Variants in ZNG1A observed in about 807,000 individuals in gnomAD.
ZNG1A encodes the protein zinc-regulated GTPase metalloprotein activator 1A.
At chr9:146,324 T>C in the ZNG1A span, 113,353 of 614,000 alleles carry the variant, frequency 0.18, 12,823 homozygotes, top group Middle Eastern at 0.24. Context: ...AAATTATTTG[T>C]TTATTACTTC....
chr9:162,504 A>G, the ZNG1A span: 17 of 1,573,452 alleles, frequency 1.1e-5, no homozygotes, highest in Non-Finnish European at 1.5e-5. Context: ...CACTTTTTAA[A>G]AAGAATGTTT....
chr9:165,445 G>A, the ZNG1A span, among the ~76,000 whole-genome samples: 82 of 139,470 alleles, frequency 5.9e-4, 2 homozygotes, highest in South Asian at 0.019. Context: ...TATAATACTT[G>A]CCAGACTACA....
At chr9:150,027 A>G in the ZNG1A span, 6 of 151,544 alleles carry the variant, frequency 4.0e-5, no homozygotes, top group Admixed American at 6.6e-5. Flanking sequence ...AGTACTTGTC[A>G]GCTACAAAAT....
the ZNG1A span, among the ~76,000 whole-genome samples, chr9:177,034 T>G: frequency 0.33 from 50,099 of 151,870 alleles, 8,462 homozygotes; most frequent in Non-Finnish European, 0.36. Context: ...GGTGACATAT[T>G]CAATAGGAGA....
the ZNG1A span, chr9:154,827 C>G: frequency 7.0e-7 from 1 of 1,425,720 alleles, no homozygotes; most frequent in Non-Finnish European, 9.6e-7. Flanking sequence ...TGTTAAGAAA[C>G]TTTAAATAAT....
chr9:161,259 A>G, the ZNG1A span, among the ~76,000 whole-genome samples: 1 of 151,888 alleles, frequency 6.6e-6, no homozygotes, highest in South Asian at 2.1e-4. Flanking sequence ...ACTTGAGGTC[A>G]GGAGTTCATG....
At chr9:141,376 G>T in the ZNG1A span, among the ~76,000 whole-genome samples, 500 of 148,938 alleles carry the variant, frequency 3.4e-3, 2 homozygotes, top group African/African-American at 0.012. Flanking sequence ...AAGAGAGTGG[G>T]GGCCAATATT....
At chr9:163,932 A>G in the ZNG1A span, 15 of 1,562,836 alleles carry the variant, frequency 9.6e-6, 1 homozygote, top group Admixed American at 2.9e-4. Flanking sequence ...TCTCAGAAAA[A>G]AAAAAAAAAA....
chr9:161,711 T>C, the ZNG1A span: 35,038 of 771,790 alleles, frequency 0.045, 987 homozygotes, highest in African/African-American at 0.1. Flanking sequence ...TTAAAGATCT[T>C]ACTAAATGCA....
At chr9:171,590 C>A in the ZNG1A span, 1 of 165,682 alleles carries the variant, frequency 6.0e-6, no homozygotes, top group African/African-American at 2.4e-5. Context: ...TTACACAGCA[C>A]TTACATTGTA....
At chr9:139,880 C>T in the ZNG1A span, among the ~76,000 whole-genome samples, 39 of 150,024 alleles carry the variant, frequency 2.6e-4, no homozygotes, top group African/African-American at 9.8e-4. Context: ...GTTCCCTTTC[C>T]TAGTCAAAGA....
At chr9:171,785 T>C in the ZNG1A span, 1 of 386,864 alleles carries the variant, frequency 2.6e-6, no homozygotes, top group Non-Finnish European at 4.8e-6. Flanking sequence ...GTAGAACGTC[T>C]CTGCTCTTCC....
chr9:171,943 T>C, the ZNG1A span: 2 of 1,299,364 alleles, frequency 1.5e-6, no homozygotes, highest in East Asian at 2.4e-5. Context: ...CCGAGTACTT[T>C]TCCTCTTTTA....
chr9:168,617 A>G, the ZNG1A span, among the ~76,000 whole-genome samples: 1 of 149,138 alleles, frequency 6.7e-6, no homozygotes, highest in African/African-American at 2.5e-5. Context: ...TAGGACTTTC[A>G]TAGCTATAGA....
chr9:127,565 G>C, the ZNG1A span, among the ~76,000 whole-genome samples: 6 of 152,212 alleles, frequency 3.9e-5, no homozygotes, highest in Non-Finnish European at 8.8e-5. Context: ...AAGTTTATGT[G>C]AGTCCTTATG....
At chr9:171,807 A>G in the ZNG1A span, 3 of 446,902 alleles carry the variant, frequency 6.7e-6, no homozygotes, top group South Asian at 7.1e-5. Flanking sequence ...ACATGTCCTT[A>G]TTTTTAACAA....
chr9:175,898 T>C, the ZNG1A span: 3 of 1,418,428 alleles, frequency 2.1e-6, no homozygotes, highest in South Asian at 1.5e-5. Context: ...TCATATATTA[T>C]TTTAGCATAG....
the ZNG1A span, among the ~76,000 whole-genome samples, chr9:144,599 G>T: frequency 6.6e-6 from 1 of 151,858 alleles, no homozygotes; most frequent in Non-Finnish European, 1.5e-5. Context: ...AACCCTAGAA[G>T]AAAACCTAGG....
chr9:162,572 C>T, the ZNG1A span: 2 of 1,174,938 alleles, frequency 1.7e-6, no homozygotes, highest in Non-Finnish European at 2.4e-6. Context: ...TATTTCAGTT[C>T]ACAAATACTA....
Sources: allele counts gnomAD v4.1 joint callset (sites outside exome capture counted in the v4.1 genomes callset), GRCh38; gene constraint gnomAD v4.1.1; transcripts MANE v1.5; gene names NCBI Gene and HGNC (gene_info 2026-07-23, HGNC 2026-07-21).